Variants in MLLT3 observed in about 807,000 individuals in gnomAD.
MLLT3 encodes protein AF-9.
MLLT3 carries 4 observed loss-of-function variants against 53.2 expected under a neutral mutation model. That is an observed-to-expected ratio of 0.08 (90% CI 0.04 to 0.17). The LOEUF (loss-of-function observed/expected upper bound fraction) is 0.17, where lower values mean the gene tolerates loss of function less well. MLLT3 is among the 10% of genes least tolerant of loss of function. The pLI is 1.00. For missense variants in MLLT3, 569 were observed against 684.0 expected (o/e 0.83, Z 1.87); for synonymous variants, 283 against 230.6 (o/e 1.23, Z -2.06).
rs146453036 is a variant in MLLT3 at position 20,524,678 on chromosome 9, C to G, written c.194-67892G>C. ...CAGGGTAGCTGTCATGAATGACCCA[C>G]CAAAAGTTTTACCAAATATCTCAAG... On this transcript the variant is annotated intron_variant, in intron 2 of 10. Coordinates refer to ENST00000380338, the MANE Select transcript of MLLT3 (RefSeq NM_004529.4). 3.6e-4 allele frequency among the ~76,000 whole-genome samples: 54 copies of G among 152,074 alleles called. No individual in the cohort carries two copies. In the East Asian group the frequency reaches 9.3e-3, roughly 26 times the overall value.
chr9:20,602,289 C>T (rs1820444458), intron 2 of MLLT3, among the ~76,000 whole-genome samples: 1 of 152,070 alleles, frequency 6.6e-6, no homozygotes, highest in Non-Finnish European at 1.5e-5. Context: ...TGGGAACTTA[C>T]TGGGATGGAA....
intron 2 of MLLT3, among the ~76,000 whole-genome samples, chr9:20,579,005 T>C (rs1819723353): frequency 6.6e-6 from 1 of 152,194 alleles, no homozygotes; most frequent in South Asian, 2.1e-4. Flanking sequence ...ATTTCTATTG[T>C]ACAGCGTTGC....
At position 20,354,849 on chromosome 9, in the gene MLLT3, T is replaced by C; in HGVS notation, c.1462A>G (p.Ser488Gly). 6.2e-7 allele frequency: 1 copy of C among 1,613,122 alleles called. No individual in the cohort carries two copies. The highest frequency in any genetic ancestry group is 1.7e-4 in the Middle Eastern group (1 of 6,060). The change falls in exon 9 of 11, where the codon AGC becomes GGC. Residue 488 changes from serine (S) to glycine (G), a missense_variant. Ser to Gly is a moderately conservative substitution (Grantham distance 56). This residue lies in a region of MLLT3 where 437 missense variants were observed against 376.5 expected (regional missense o/e 1.16). Coordinates refer to ENST00000380338, the MANE Select transcript of MLLT3 (RefSeq NM_004529.4). ...TTCTTTATTTGCTTATCTGATTTGCTTTGCTTTATTGGACTTTTCACTTCA... is the reference window on the plus strand; with the variant it reads ...TTCTTTATTTGCTTATCTGATTTGCCTTGCTTTATTGGACTTTTCACTTCA... ...ILEVKSPIKQ[S>G]KSDKQIKNGE...
At position 20,360,752 on chromosome 9, in the gene MLLT3, T is replaced by C. The variant is rs1821301395; in HGVS notation, c.1421A>G (p.Asn474Ser). ...AACCCCACAATTTACCTGGTTGTTG[T>C]TGGTTTTTAGTAAGGGTGGTGGAGG... ...HEPPPPLLKTNNNQILEVKSP... is the reference protein window; with the variant it reads ...HEPPPPLLKTSNNQILEVKSP... Residue 474 changes from asparagine to serine, a missense_variant, in exon 8 of 11, where the codon AAC becomes AGC. Asn to Ser is a conservative substitution (Grantham distance 46). Transcript: ENST00000380338. 6 of 1,613,740 alleles carry C rather than the reference T, an allele frequency of 3.7e-6. No homozygotes were observed. The highest frequency in any genetic ancestry group is 1.6e-4 in the Middle Eastern group (1 of 6,082).
rs141424480 is a variant in MLLT3, at chr9:20,343,502, T to C, written c.*2941A>G. ...CAAAATATTGTTGCTAACATGACTGTTACATCCGAAGACAGAAGGAACCCC... is the reference window on the plus strand; with the variant it reads ...CAAAATATTGTTGCTAACATGACTGCTACATCCGAAGACAGAAGGAACCCC... On this transcript the variant is annotated 3_prime_UTR_variant, in exon 11 of 11. Transcript: ENST00000380338. The C allele has an allele frequency of 2.3e-4, 53 of 227,694 alleles. No individual in the cohort carries two copies. In the East Asian group the frequency reaches 3.2e-3, roughly 14 times the overall value. The allele number at this position is 227,694 out of a possible 1,614,324, so 14.1% of individuals were successfully genotyped here.
At chr9:20,397,361 G>C (rs749380260) in intron 5 of MLLT3, among the ~76,000 whole-genome samples, 1 of 152,128 alleles carries the variant, frequency 6.6e-6, no homozygotes, top group Non-Finnish European at 1.5e-5. Flanking sequence ...TTCTCAGTGA[G>C]TATAACGTTC....
intron 2 of MLLT3, among the ~76,000 whole-genome samples, chr9:20,494,901 C>T (rs1282659565): frequency 6.6e-6 from 1 of 152,126 alleles, no homozygotes; most frequent in East Asian, 1.9e-4. Flanking sequence ...AAGGAGTAAG[C>T]CCATAGTTGT....
intron 7 of MLLT3, among the ~76,000 whole-genome samples, chr9:20,362,234 C>T (rs544160507): frequency 6.6e-6 from 1 of 152,130 alleles, no homozygotes; most frequent in Non-Finnish European, 1.5e-5. Context: ...TACATGATGA[C>T]CACACAGACT....
At chr9:20,496,278 T>C (rs1050672616) in intron 2 of MLLT3, among the ~76,000 whole-genome samples, 2 of 152,206 alleles carry the variant, frequency 1.3e-5, no homozygotes, top group Non-Finnish European at 2.9e-5. Context: ...GAATGTTTCC[T>C]TGAGAAACTG....
At position 20,595,727 on chromosome 9, in the gene MLLT3, T is replaced by C. The variant is rs79170465; in HGVS notation, c.193+24927A>G. ...TGAAAGATACAAAGTGTCATAATGC[T>C]AGTAGCAGTAACCACAAAAAAAGAA... On this transcript the variant is annotated intron_variant, in intron 2 of 10. Coordinates refer to ENST00000380338, the MANE Select transcript of MLLT3 (RefSeq NM_004529.4). Among the ~76,000 whole-genome samples, 1,415 of 152,334 alleles carry C rather than the reference T, an allele frequency of 9.3e-3. 51 individuals carry two copies. The East Asian group carries it at 0.12, about 13-fold the overall frequency.
Position 20,413,806 on chromosome 9 carries a change from T to C in MLLT3, c.1040A>G (p.Lys347Arg). 1.2e-6 allele frequency: 2 copies of C among 1,613,996 alleles called. No homozygotes were observed. Among genetic ancestry groups the C allele is most frequent in the Non-Finnish European group, 1.7e-6 (2 of 1,179,958 alleles). ...AAATGGCGGTAACGTTGATTTCTTC[T>C]TCTCTGATGTCTCACTTTCAATTTT... ...KVKIESETSE[K>R]KKSTLPPFDD... Residue 347 changes from lysine (K) to arginine (R), a missense_variant, in exon 5 of 11, where the codon AAG (lysine) becomes AGG (arginine). By Grantham distance (26) the Lys-to-Arg change is conservative. Transcript: ENST00000380338.
intron 5 of MLLT3, among the ~76,000 whole-genome samples, chr9:20,367,324 C>T (rs1821483260): frequency 6.6e-6 from 1 of 152,232 alleles, no homozygotes; most frequent in African/African-American, 2.4e-5. Flanking sequence ...CAGTATTGCA[C>T]TGCCTCTGAT....
At chr9:20,423,729 T>C (rs1040760893) in intron 4 of MLLT3, among the ~76,000 whole-genome samples, 5 of 151,562 alleles carry the variant, frequency 3.3e-5, no homozygotes, top group African/African-American at 7.3e-5. Context: ...CGGGTGGATA[T>C]TGAGCTCAGG....
chr9:20,450,555 A>C (rs549867672), intron 3 of MLLT3, among the ~76,000 whole-genome samples: 1 of 152,296 alleles, frequency 6.6e-6, no homozygotes, highest in African/African-American at 2.4e-5. Context: ...AATACTTCAC[A>C]TTAACTCATT....
chr9:20,589,275 T>C (rs1445379994), intron 2 of MLLT3, among the ~76,000 whole-genome samples: 2 of 151,974 alleles, frequency 1.3e-5, no homozygotes, highest in African/African-American at 4.8e-5. Context: ...TGAGTTCATG[T>C]CCTTTGTAGG....
intron 2 of MLLT3, among the ~76,000 whole-genome samples, chr9:20,600,139 A>G (rs575303775): frequency 1.2e-3 from 55 of 47,336 alleles, no homozygotes; most frequent in African/African-American, 3.9e-3. Context: ...AAAAAAAAAC[A>G]AAAAACAAAA....
At chr9:20,555,330 T>C (rs1362787335) in intron 2 of MLLT3, among the ~76,000 whole-genome samples, 1 of 152,208 alleles carries the variant, frequency 6.6e-6, no homozygotes, top group East Asian at 1.9e-4. Flanking sequence ...AGTTCTATTT[T>C]TTTTTAATAG....
At chr9:20,358,668 A>T (rs1304571152) in intron 8 of MLLT3, among the ~76,000 whole-genome samples, 2 of 152,122 alleles carry the variant, frequency 1.3e-5, no homozygotes, top group African/African-American at 4.8e-5. Flanking sequence ...TGCTTGCTGG[A>T]GTTGCATTCC....
At chr9:20,443,094 A>G (rs572820914) in intron 4 of MLLT3, among the ~76,000 whole-genome samples, 1 of 151,946 alleles carries the variant, frequency 6.6e-6, no homozygotes, top group Non-Finnish European at 1.5e-5. Flanking sequence ...TTAATTGAGG[A>G]AAGGAAGGAA....
Sources: gnomAD v4.1 joint callset for allele counts (sites outside exome capture counted in the v4.1 genomes callset) on GRCh38, gnomAD v4.1.1 for gene constraint, gnomAD v4.1.1 regional missense constraint, MANE v1.5 for transcripts, NCBI Gene and HGNC (gene_info 2026-07-23, HGNC 2026-07-21) for gene names.